The following ARHGAP26 variants were observed in gnomAD, a reference collection of about 807,000 sequenced individuals.
ARHGAP26 encodes Rho GTPase activating protein 26, also known as rho GTPase-activating protein 26.
A neutral mutation model predicts 104.8 loss-of-function variants in ARHGAP26; 38 were observed. The observed-to-expected ratio is 0.36, with a 90% CI of 0.28 to 0.48. The LOEUF is 0.48. Ranked by LOEUF, ARHGAP26 falls within the 20% of genes least tolerant of loss-of-function variation. The pLI is 0.99. For synonymous variants in ARHGAP26, 341 were observed against 340.0 expected, an observed-to-expected ratio of 1.00 and a Z score of -0.03; for missense variants, 704 against 947.9, an observed-to-expected ratio of 0.74 and a Z score of 3.38.
At position 142,773,373 on chromosome 5, in the gene ARHGAP26, A is replaced by G. The variant is rs1352760358; in HGVS notation, c.154+2458A>G. Among the ~76,000 whole-genome samples the G allele has an allele frequency of 5.3e-5, 8 of 152,300 alleles. No individual in the cohort carries two copies. The South Asian group carries it at 1.7e-3, about 32-fold the overall frequency. ...TTATTTTATTTTACAGTTATTTTAT[A>G]ACTAGTATTTCTAGCTCTTTGGATT... On this transcript the variant is annotated intron_variant, in intron 1 of 22. Transcript: ENST00000645722.
At chr5:143,047,897 C>CA (rs1372726409) in intron 14 of ARHGAP26, among the ~76,000 whole-genome samples, 2 of 152,150 alleles carry the variant, frequency 1.3e-5, no homozygotes, top group East Asian at 3.9e-4. Flanking sequence ...TGGCTCACTG[C>CA]AGTGGCTAAG....
At chr5:143,158,644 A>G (rs942922078) in intron 20 of ARHGAP26, among the ~76,000 whole-genome samples, 1 of 152,192 alleles carries the variant, frequency 6.6e-6, no homozygotes, top group Admixed American at 6.5e-5. Context: ...TCTAATATCT[A>G]TCACCTTCCT....
chr5:142,851,054 A>T (rs1174776034), intron 1 of ARHGAP26, among the ~76,000 whole-genome samples: 1 of 152,164 alleles, frequency 6.6e-6, no homozygotes, highest in Non-Finnish European at 1.5e-5. Context: ...TAATTGTTTC[A>T]CAGATGAGTG....
At chr5:143,127,265 G>A (rs1399191081) in intron 18 of ARHGAP26, among the ~76,000 whole-genome samples, 1 of 152,144 alleles carries the variant, frequency 6.6e-6, no homozygotes, top group African/African-American at 2.4e-5. Flanking sequence ...CACTTGTTCT[G>A]TAACAATCCA....
intron 10 of ARHGAP26, among the ~76,000 whole-genome samples, chr5:142,913,589 A>G (rs1762113992): frequency 6.6e-6 from 1 of 152,188 alleles, no homozygotes; most frequent in African/African-American, 2.4e-5. Flanking sequence ...ATGCTCAGAA[A>G]TGTGTGTTAT....
intron 12 of ARHGAP26, among the ~76,000 whole-genome samples, chr5:143,027,441 C>T (rs1490260679): frequency 6.6e-6 from 1 of 151,628 alleles, no homozygotes; most frequent in Non-Finnish European, 1.5e-5. Flanking sequence ...GCCTCGGCCT[C>T]CCAAAGTGCT....
Position 142,949,209 on chromosome 5 carries a change from G to A in ARHGAP26, c.1107+17084G>A, listed in dbSNP as rs1364884279. ...AGAGAGAGAGAGAGAGAGAGAGAGA[G>A]AGAGAGAGAGAGGAGAGAGAGAGGA... is the stretch of plus-strand genomic sequence containing the variant. On this transcript the variant is annotated intron_variant, in intron 11 of 22. Coordinates refer to ENST00000645722, the MANE Select transcript of ARHGAP26 (RefSeq NM_001135608.3). Among the ~76,000 whole-genome samples, 151 of 62,968 alleles carry A rather than the reference G, an allele frequency of 2.4e-3. 25 individuals carry two copies. The highest frequency in any genetic ancestry group is 0.019 in the African/African-American group (148 of 7,912). The allele number at this position is 62,968 out of a possible 152,430, so 41.3% of individuals were successfully genotyped here.
chr5:142,817,633 C>T (rs1765396167), intron 1 of ARHGAP26, among the ~76,000 whole-genome samples: 1 of 152,152 alleles, frequency 6.6e-6, no homozygotes, highest in Non-Finnish European at 1.5e-5. Flanking sequence ...AATCCCCATC[C>T]CTGGGTGGCC....
intron 6 of ARHGAP26, among the ~76,000 whole-genome samples, chr5:142,898,398 A>C (rs17208964): frequency 0.028 from 4,338 of 152,262 alleles, 80 homozygotes; most frequent in Middle Eastern, 0.058. Context: ...AAGGTTGGCT[A>C]GTGCCCCAGA....
intron 13 of ARHGAP26, among the ~76,000 whole-genome samples, chr5:143,038,571 C>G (rs1164065571): frequency 6.6e-6 from 1 of 150,664 alleles, no homozygotes; most frequent in Non-Finnish European, 1.5e-5. Context: ...GGTACAAAAT[C>G]AGAAACGGGC....
chr5:142,807,431 A>G (rs1014704729), intron 1 of ARHGAP26, among the ~76,000 whole-genome samples: 22 of 152,198 alleles, frequency 1.4e-4, no homozygotes, highest in Non-Finnish European at 2.9e-4. Context: ...TTGTATTCCC[A>G]GAGGCCCAGC....
chr5:142,822,073 A>C (rs1766301515), intron 1 of ARHGAP26, among the ~76,000 whole-genome samples: 1 of 152,228 alleles, frequency 6.6e-6, no homozygotes, highest in African/African-American at 2.4e-5. Flanking sequence ...GGTGGGTTTA[A>C]GGAAATGATT....
chr5:143,133,203 A>T (rs186650708), intron 18 of ARHGAP26, among the ~76,000 whole-genome samples: 1 of 151,954 alleles, frequency 6.6e-6, no homozygotes, highest in East Asian at 1.9e-4. Flanking sequence ...CTTTTAGAAG[A>T]ATAAAAGCCC....
intron 19 of ARHGAP26, among the ~76,000 whole-genome samples, chr5:143,142,492 A>AT (rs201094846): frequency 1.7e-3 from 251 of 144,600 alleles, no homozygotes; most frequent in African/African-American, 6.4e-3. Flanking sequence ...CCTTTTTAAG[A>AT]TTTTTTTAAA....
intron 11 of ARHGAP26, among the ~76,000 whole-genome samples, chr5:143,004,038 A>AG (rs61349814): frequency 2.1e-5 from 3 of 141,104 alleles, no homozygotes; most frequent in East Asian, 2.0e-4. Context: ...AAAAAAAAAA[A>AG]GGAAAGTGAC....
chr5:142,983,228 G>A (rs1471823650), intron 11 of ARHGAP26, among the ~76,000 whole-genome samples: 1 of 151,562 alleles, frequency 6.6e-6, no homozygotes, highest in Non-Finnish European at 1.5e-5. Context: ...TTTTTTTTGA[G>A]ATGGAGTCTC....
intron 20 of ARHGAP26, among the ~76,000 whole-genome samples, chr5:143,150,415 A>G (rs1053258592): frequency 6.6e-6 from 1 of 152,236 alleles, no homozygotes; most frequent in African/African-American, 2.4e-5. Context: ...AACCACTGTC[A>G]ACTGAATATG....
intron 1 of ARHGAP26, among the ~76,000 whole-genome samples, chr5:142,804,942 C>T (rs149184979): frequency 9.3e-4 from 141 of 152,226 alleles, no homozygotes; most frequent in South Asian, 6.8e-3. Context: ...AATCATTCAA[C>T]GTATGATTGT....
At chr5:142,999,354 G>T (rs1370447664) in intron 11 of ARHGAP26, among the ~76,000 whole-genome samples, 1 of 152,082 alleles carries the variant, frequency 6.6e-6, no homozygotes, top group Non-Finnish European at 1.5e-5. Context: ...TTAGCTGAGG[G>T]GGTAGGAGGC....
Sources: gnomAD v4.1 joint callset for allele counts (sites outside exome capture counted in the v4.1 genomes callset) on GRCh38, gnomAD v4.1.1 for gene constraint, MANE v1.5 for transcripts, NCBI Gene and HGNC (gene_info 2026-07-23, HGNC 2026-07-21) for gene names.